The following DCC variants were observed in gnomAD, a reference collection of about 807,000 sequenced individuals.
DCC encodes netrin receptor DCC.
Under a neutral mutation model 172.5 loss-of-function variants are expected in DCC, and 58 were observed. The observed-to-expected ratio is 0.34, with a 90% CI of 0.27 to 0.42. The LOEUF (loss-of-function observed/expected upper bound fraction) is 0.42, where lower values mean the gene tolerates loss of function less well. Among genes scored for constraint, DCC ranks in the 10% least tolerant of loss-of-function variants. The pLI is 1.00. For missense variants in DCC, 1,740 were observed against 1,791.0 expected, an observed-to-expected ratio of 0.97 and a Z score of 0.51; for synonymous variants, 709 against 644.5, an observed-to-expected ratio of 1.10 and a Z score of -1.52.
chr18:52,722,629 A>G (rs567047186), intron 1 of DCC, among the ~76,000 whole-genome samples: 1 of 152,278 alleles, frequency 6.6e-6, no homozygotes, highest in Non-Finnish European at 1.5e-5. Flanking sequence ...CGGTTTTTGC[A>G]ATAATAAATG....
chr18:52,367,471 A>G (rs1437016039), intron 1 of DCC, among the ~76,000 whole-genome samples: 1 of 152,202 alleles, frequency 6.6e-6, no homozygotes, highest in Non-Finnish European at 1.5e-5. Flanking sequence ...CCTCTCACTA[A>G]TTACATAATA....
At chr18:53,223,898 C>G (rs1466784499) in intron 12 of DCC, among the ~76,000 whole-genome samples, 1 of 151,988 alleles carries the variant, frequency 6.6e-6, no homozygotes, top group Non-Finnish European at 1.5e-5. Context: ...TAACCTTTCC[C>G]AAAGGTATTT....
At chr18:52,619,504 T>C (rs574631674) in intron 1 of DCC, among the ~76,000 whole-genome samples, 2 of 152,332 alleles carry the variant, frequency 1.3e-5, no homozygotes, top group African/African-American at 4.8e-5. Flanking sequence ...CATTTAGAGT[T>C]CATGGTGTTT....
chr18:52,468,259 A>C (rs1988844844), intron 1 of DCC, among the ~76,000 whole-genome samples: 1 of 152,198 alleles, frequency 6.6e-6, no homozygotes, highest in African/African-American at 2.4e-5. Flanking sequence ...ACTTTACCAC[A>C]TGGACTTAGA....
intron 1 of DCC, among the ~76,000 whole-genome samples, chr18:52,408,803 T>G (rs1168498986): frequency 6.6e-6 from 1 of 152,154 alleles, no homozygotes; most frequent in East Asian, 1.9e-4. Flanking sequence ...TTGTGCATTT[T>G]GTGATAGATT....
At chr18:52,705,510 T>A (rs2036192867) in intron 1 of DCC, among the ~76,000 whole-genome samples, 1 of 152,188 alleles carries the variant, frequency 6.6e-6, no homozygotes, top group Non-Finnish European at 1.5e-5. Context: ...ATGCTGGTAG[T>A]CTTCACCCAG....
intron 2 of DCC, among the ~76,000 whole-genome samples, chr18:52,761,114 A>G (rs180755359): frequency 8.0e-4 from 122 of 152,348 alleles, no homozygotes; most frequent in African/African-American, 2.7e-3. Context: ...TACAGTCTAC[A>G]TGGCTGGGGA....
chr18:53,465,395 A>G (rs1047746342), intron 24 of DCC, among the ~76,000 whole-genome samples: 12 of 152,140 alleles, frequency 7.9e-5, no homozygotes, highest in Non-Finnish European at 1.2e-4. Context: ...TAGCACTTGA[A>G]AAATGTGTTG....
intron 12 of DCC, among the ~76,000 whole-genome samples, chr18:53,249,544 G>A (rs1020638295): frequency 2.0e-5 from 3 of 151,858 alleles, no homozygotes; most frequent in Admixed American, 6.6e-5. Flanking sequence ...AGATATTATT[G>A]CCCTGGAAAT....
chr18:52,528,893 TATC>T (rs1386112496), intron 1 of DCC, among the ~76,000 whole-genome samples: 2 of 152,268 alleles, frequency 1.3e-5, no homozygotes, highest in Non-Finnish European at 2.9e-5. Context: ...GGCCACCAGT[TATC>T]ATATAGATTT....
At chr18:52,996,365 C>T (rs2145631327) in intron 5 of DCC, among the ~76,000 whole-genome samples, 1 of 152,054 alleles carries the variant, frequency 6.6e-6, no homozygotes, top group Middle Eastern at 3.4e-3. Flanking sequence ...TTGAGGCCTT[C>T]TATTTTGGTT....
At chr18:52,598,373 G>A (rs2033949413) in intron 1 of DCC, among the ~76,000 whole-genome samples, 2 of 152,138 alleles carry the variant, frequency 1.3e-5, no homozygotes, top group Non-Finnish European at 2.9e-5. Flanking sequence ...TATTAGCTGA[G>A]TCTCAAAAAA....
At chr18:52,565,324 A>G (rs1028307320) in intron 1 of DCC, among the ~76,000 whole-genome samples, 9 of 152,170 alleles carry the variant, frequency 5.9e-5, no homozygotes, top group African/African-American at 1.7e-4. Flanking sequence ...TCTTTATAGT[A>G]GAATGATTTA....
intron 1 of DCC, among the ~76,000 whole-genome samples, chr18:52,435,920 G>T (rs557234661): frequency 6.6e-6 from 1 of 152,168 alleles, no homozygotes; most frequent in Non-Finnish European, 1.5e-5. Flanking sequence ...AATCCTGCCC[G>T]CTGAACCAAA....
chr18:52,901,319 G>A (rs1465370799), intron 2 of DCC, among the ~76,000 whole-genome samples: 1 of 152,058 alleles, frequency 6.6e-6, no homozygotes, highest in African/African-American at 2.4e-5. Flanking sequence ...TGTGATCCTA[G>A]CTACATGGGA....
chr18:52,856,117 A>T (rs2039049110), intron 2 of DCC, among the ~76,000 whole-genome samples: 1 of 152,164 alleles, frequency 6.6e-6, no homozygotes, highest in African/African-American at 2.4e-5. Flanking sequence ...AAAGGTGATT[A>T]TGATTCAATT....
intron 5 of DCC, among the ~76,000 whole-genome samples, chr18:52,928,920 G>A (rs985614289): frequency 6.6e-6 from 1 of 152,106 alleles, no homozygotes; most frequent in African/African-American, 2.4e-5. Context: ...TTGGTGGCTG[G>A]TGGCAATGGA....
chr18:53,142,639 G>T (rs769822353), intron 7 of DCC, among the ~76,000 whole-genome samples: 6 of 152,052 alleles, frequency 3.9e-5, no homozygotes, highest in Non-Finnish European at 8.8e-5. Flanking sequence ...ACATTTACAT[G>T]AAAATTGTAA....
intron 9 of DCC, among the ~76,000 whole-genome samples, chr18:53,189,134 T>C (rs930132426): frequency 5.9e-5 from 9 of 152,168 alleles, no homozygotes; most frequent in East Asian, 3.8e-4. Flanking sequence ...GAGCAAACTA[T>C]GAAGTATATA....
Sources: allele counts gnomAD v4.1 joint callset (sites outside exome capture counted in the v4.1 genomes callset), GRCh38; gene constraint gnomAD v4.1.1; transcripts MANE v1.5; gene names NCBI Gene and HGNC (gene_info 2026-07-23, HGNC 2026-07-21).